The following CACNA2D3 variants were observed in gnomAD, a reference collection of about 807,000 sequenced individuals.
CACNA2D3 encodes calcium voltage-gated channel auxiliary subunit alpha2delta 3, also known as voltage-dependent calcium channel subunit alpha-2/delta-3.
CACNA2D3 carries 60 observed loss-of-function variants against 160.6 expected under a neutral mutation model. The ratio of observed to expected loss-of-function variants is 0.37; its 90% CI spans 0.30 to 0.46. The LOEUF (loss-of-function observed/expected upper bound fraction) is 0.46, where lower values mean the gene tolerates loss of function less well. Ranked by LOEUF, CACNA2D3 falls within the 20% of genes least tolerant of loss-of-function variation. The pLI, the probability that CACNA2D3 is intolerant of heterozygous loss-of-function variation, is 1.00. For synonymous variants in CACNA2D3, 558 were observed against 492.9 expected (o/e 1.13, Z -1.75); for missense variants, 1,205 against 1,365.0 (o/e 0.88, Z 1.85).
chr3:54,542,056 T>G (rs889997564), intron 5 of CACNA2D3, among the ~76,000 whole-genome samples: 2 of 152,022 alleles, frequency 1.3e-5, no homozygotes, highest in African/African-American at 4.8e-5. Flanking sequence ...GAGAGTTTTT[T>G]TTGTTGTTGT....
At chr3:54,317,796 C>G (rs1409726760) in intron 2 of CACNA2D3, among the ~76,000 whole-genome samples, 2 of 152,202 alleles carry the variant, frequency 1.3e-5, no homozygotes, top group African/African-American at 2.4e-5. Flanking sequence ...ACCTTGGCCT[C>G]CCAAAGTGCT....
At chr3:54,278,659 A>G (rs188783647) in intron 2 of CACNA2D3, among the ~76,000 whole-genome samples, 17 of 152,352 alleles carry the variant, frequency 1.1e-4, no homozygotes, top group African/African-American at 4.1e-4. Context: ...CAGCCATAAA[A>G]AAGAATGAGT....
chr3:54,172,117 C>T (rs1700585002), intron 2 of CACNA2D3, among the ~76,000 whole-genome samples: 1 of 152,216 alleles, frequency 6.6e-6, no homozygotes, highest in Admixed American at 6.5e-5. Flanking sequence ...GTTTGCCCTG[C>T]AGGTCTGCCC....
At chr3:54,273,097 G>A (rs774712292) in intron 2 of CACNA2D3, 10 of 152,214 alleles carry the variant, frequency 6.6e-5, no homozygotes, top group Non-Finnish European at 1.5e-4. Context: ...TTTTGCTCAC[G>A]GTAAATGCGT....
chr3:54,355,843 T>G (rs2107536894), intron 3 of CACNA2D3, among the ~76,000 whole-genome samples: 1 of 152,304 alleles, frequency 6.6e-6, no homozygotes, highest in East Asian at 1.9e-4. Flanking sequence ...CATGCCCATT[T>G]CGAAGCATAA....
At chr3:55,054,562 C>G (rs1391660762) in intron 35 of CACNA2D3, among the ~76,000 whole-genome samples, 3 of 149,864 alleles carry the variant, frequency 2.0e-5, no homozygotes, top group South Asian at 2.1e-4. Flanking sequence ...TAGCCACTTT[C>G]TAAAGTTTAA....
intron 9 of CACNA2D3, among the ~76,000 whole-genome samples, chr3:54,606,429 T>G (rs964718632): frequency 1.3e-5 from 2 of 152,016 alleles, no homozygotes; most frequent in African/African-American, 4.8e-5. Flanking sequence ...GGATGGTGGC[T>G]CACCCCAGGG....
intron 27 of CACNA2D3, among the ~76,000 whole-genome samples, chr3:54,917,317 C>T (rs1386125022): frequency 2.0e-5 from 3 of 152,184 alleles, no homozygotes; most frequent in African/African-American, 7.2e-5. Flanking sequence ...TGGAGTAAAG[C>T]CAGCCACACC....
intron 13 of CACNA2D3, among the ~76,000 whole-genome samples, chr3:54,768,169 A>G (rs1702256009): frequency 6.6e-6 from 1 of 152,136 alleles, no homozygotes; most frequent in South Asian, 2.1e-4. Context: ...CTTGAGGGGG[A>G]AAAAGTGGCA....
At chr3:54,679,064 A>T (rs1225106852) in intron 11 of CACNA2D3, among the ~76,000 whole-genome samples, 1 of 152,180 alleles carries the variant, frequency 6.6e-6, no homozygotes, top group Non-Finnish European at 1.5e-5. Context: ...ATGGTTCAAG[A>T]CTTACCTGTC....
chr3:54,797,439 A>T (rs1330049356), intron 13 of CACNA2D3, among the ~76,000 whole-genome samples: 1 of 152,154 alleles, frequency 6.6e-6, no homozygotes, highest in African/African-American at 2.4e-5. Context: ...ATCTTTAGGG[A>T]GGCCTCTCTA....
intron 35 of CACNA2D3, among the ~76,000 whole-genome samples, chr3:55,054,372 A>G (rs1332082325): frequency 4.0e-5 from 6 of 151,810 alleles, no homozygotes; most frequent in African/African-American, 1.4e-4. Context: ...AATAATTTCT[A>G]TTGACCTGAC....
At chr3:54,263,524 G>T (rs1194304738) in intron 2 of CACNA2D3, among the ~76,000 whole-genome samples, 1 of 152,188 alleles carries the variant, frequency 6.6e-6, no homozygotes, top group East Asian at 1.9e-4. Context: ...TTTGAAGTGA[G>T]GTGGTGCATT....
intron 25 of CACNA2D3, among the ~76,000 whole-genome samples, chr3:54,891,895 T>C (rs1202686812): frequency 5.3e-5 from 8 of 152,214 alleles, no homozygotes; most frequent in African/African-American, 1.7e-4. Context: ...AATAAACCTC[T>C]GCCTCTGTGC....
intron 4 of CACNA2D3, among the ~76,000 whole-genome samples, chr3:54,415,221 C>G (rs543692743): frequency 3.9e-5 from 6 of 152,130 alleles, no homozygotes; most frequent in Non-Finnish European, 8.8e-5. Context: ...GGATCTTTCT[C>G]CAGAAAATTC....
intron 2 of CACNA2D3, among the ~76,000 whole-genome samples, chr3:54,130,954 C>A (rs1174739004): frequency 6.6e-6 from 1 of 152,192 alleles, no homozygotes; most frequent in African/African-American, 2.4e-5. Context: ...TGAACCTATA[C>A]CCTTAAATGA....
At chr3:54,484,488 A>G (rs1405434382) in intron 4 of CACNA2D3, among the ~76,000 whole-genome samples, 1 of 152,114 alleles carries the variant, frequency 6.6e-6, no homozygotes, top group East Asian at 1.9e-4. Flanking sequence ...GTAACCGGGG[A>G]TGGACATCAT....
chr3:54,449,221 G>C (rs1700267604), intron 4 of CACNA2D3, among the ~76,000 whole-genome samples: 1 of 152,170 alleles, frequency 6.6e-6, no homozygotes, highest in African/African-American at 2.4e-5. Context: ...AACCACAAGA[G>C]AGAGAGCGCT....
intron 4 of CACNA2D3, among the ~76,000 whole-genome samples, chr3:54,392,855 C>G (rs910282420): frequency 6.6e-6 from 1 of 152,042 alleles, no homozygotes; most frequent in Non-Finnish European, 1.5e-5. Context: ...GAACTTCTTT[C>G]ACCATCCACT....
Sources: gnomAD v4.1 joint callset for allele counts (sites outside exome capture counted in the v4.1 genomes callset) on GRCh38, gnomAD v4.1.1 for gene constraint, MANE v1.5 for transcripts, NCBI Gene and HGNC (gene_info 2026-07-23, HGNC 2026-07-21) for gene names.